AVL9: variants seen among roughly 807,000 people sequenced by gnomAD.
AVL9 encodes the protein late secretory pathway protein AVL9 homolog.
A neutral mutation model predicts 79.2 loss-of-function variants in AVL9; 49 were observed. The observed-to-expected ratio is 0.62, with a 90% CI of 0.49 to 0.79. The LOEUF (loss-of-function observed/expected upper bound fraction) is 0.79, where lower values mean the gene tolerates loss of function less well. AVL9 is among the 30% of genes least tolerant of loss of function. AVL9 has a pLI of 0.00. For missense variants in AVL9, 682 were observed against 776.8 expected (o/e 0.88, Z 1.45); for synonymous variants, 299 against 280.6 (o/e 1.07, Z -0.65).
At chr7:32,563,574 C>T (rs547810408) in intron 10 of AVL9, among the ~76,000 whole-genome samples, 1 of 150,068 alleles carries the variant, frequency 6.7e-6, no homozygotes, top group South Asian at 2.2e-4. Context: ...TGTGATCTTG[C>T]AGTCTACCAT....
chr7:32,529,156 TGGGATG>T (rs1788530219), intron 1 of AVL9, among the ~76,000 whole-genome samples: 1 of 152,182 alleles, frequency 6.6e-6, no homozygotes, highest in African/African-American at 2.4e-5. Context: ...AGTCCATGAA[TGGGATG>T]CCTCTCATTT....
chr7:32,520,525 T>G (rs1279431111), intron 1 of AVL9, among the ~76,000 whole-genome samples: 1 of 152,094 alleles, frequency 6.6e-6, no homozygotes, highest in Non-Finnish European at 1.5e-5. Flanking sequence ...TGTTGTAAGG[T>G]CTATTTGCCC....
chr7:32,541,439 G>T (rs1270255848), intron 1 of AVL9, among the ~76,000 whole-genome samples: 1 of 151,848 alleles, frequency 6.6e-6, no homozygotes, highest in Non-Finnish European at 1.5e-5. Flanking sequence ...TGGGACTTTG[G>T]TATTGATTAT....
In AVL9 at chr7:32,576,993, T is replaced by C. The variant is rs565051539; in HGVS notation, c.1688+921T>C. ...CTGAGTGTGAATACAACAGAGAGCA[T>C]TGAAGGAGATCAGTTGATATAGTGT... is the stretch of plus-strand genomic sequence containing the variant. On this transcript the variant is annotated intron_variant, in intron 13 of 15. Coordinates refer to ENST00000318709, the MANE Select transcript of AVL9 (RefSeq NM_015060.3). Among the ~76,000 whole-genome samples, 13 of 152,248 alleles carry C rather than the reference T, an allele frequency of 8.5e-5. No homozygotes were observed. The South Asian group carries it at 2.1e-3, about 24-fold the overall frequency.
chr7:32,540,728 G>A (rs1789142609), intron 1 of AVL9, among the ~76,000 whole-genome samples: 1 of 151,984 alleles, frequency 6.6e-6, no homozygotes, highest in East Asian at 1.9e-4. Flanking sequence ...TTGTGCCAGT[G>A]TACCGTACAT....
At chr7:32,566,204 C>A in intron 10 of AVL9, among the ~76,000 whole-genome samples, 1 of 9,272 alleles carries the variant, frequency 1.1e-4, no homozygotes, top group Non-Finnish European at 2.3e-4. Context: ...GAGACAAGGT[C>A]TCACCACTCT....
chr7:32,505,446 C>T (rs1787365562), intron 1 of AVL9, among the ~76,000 whole-genome samples: 1 of 151,596 alleles, frequency 6.6e-6, no homozygotes, highest in Non-Finnish European at 1.5e-5. Flanking sequence ...TCACTTGAAA[C>T]CGGAAGGCGG....
At position 32,546,069 on chromosome 7, in the gene AVL9, C is replaced by CTTTTTTTTT. The variant is rs57046702; in HGVS notation, c.300+1296_300+1304dup. On this transcript the variant is annotated intron_variant, in intron 3 of 15. Coordinates refer to ENST00000318709, the MANE Select transcript of AVL9 (RefSeq NM_015060.3). ...ATTTTTAACTAGAATTACCTGGAGA[C>CTTTTTTTTT]TTTTTTTTTTTTTTAAATATCTGTA... Among the ~76,000 whole-genome samples, 421 of 98,966 alleles carry CTTTTTTTTT rather than the reference C, an allele frequency of 4.3e-3. 2 individuals carry two copies. The highest frequency in any genetic ancestry group is 9.4e-3 in the African/African-American group (248 of 26,448). 64.9% of individuals were successfully genotyped at this position (98,966 alleles called of 152,430 possible).
chr7:32,525,537 T>G (rs780612259), intron 1 of AVL9, among the ~76,000 whole-genome samples: 1 of 152,216 alleles, frequency 6.6e-6, no homozygotes, highest in Non-Finnish European at 1.5e-5. Flanking sequence ...AGAAATTGTT[T>G]CAAAGGAAAA....
intron 10 of AVL9, among the ~76,000 whole-genome samples, chr7:32,563,042 T>C (rs1201118416): frequency 1.3e-5 from 2 of 152,214 alleles, no homozygotes; most frequent in Non-Finnish European, 2.9e-5. Context: ...GTGTTTTGTT[T>C]TGTTTTTGAT....
At chr7:32,552,181 G>C (rs369066757) in intron 5 of AVL9, 48 bp from the exon 6 acceptor site, 26 of 1,157,362 alleles carry the variant, frequency 2.2e-5, no homozygotes, top group Non-Finnish European at 7.7e-6. Context: ...TTCTAATTCA[G>C]ATCTAAAATG....
rs1447263958 is a variant in AVL9, at chr7:32,583,823, A to G, written c.1863A>G (p.Ala621=). 4 of 1,613,918 alleles carry G rather than the reference A, an allele frequency of 2.5e-6. No individual in the cohort carries two copies. The highest frequency in any genetic ancestry group is 3.4e-6 in the Non-Finnish European group (4 of 1,179,930). The stretch of plus-strand genomic sequence containing the variant: ...CAGTTGGAGGAGCTTTTTCCAGTGC[A>G]AAGACAGCTATGTCTTCATGGCTTT... ...GQSVGGAFSS[A]KTAMSSWLST... The change falls in exon 16 of 16, where the codon GCA becomes GCG. Residue 621 remains alanine (A), a synonymous_variant. Coordinates refer to ENST00000318709, the MANE Select transcript of AVL9 (RefSeq NM_015060.3).
intron 13 of AVL9, among the ~76,000 whole-genome samples, chr7:32,579,784 C>G (rs1396325676): frequency 6.7e-6 from 1 of 148,338 alleles, no homozygotes. Flanking sequence ...CAAATCTTTG[C>G]ATAACCAATA....
chr7:32,566,651 G>A (rs1260562965), intron 10 of AVL9, among the ~76,000 whole-genome samples: 1 of 152,074 alleles, frequency 6.6e-6, no homozygotes, highest in African/African-American at 2.4e-5. Context: ...GACCGAGGCG[G>A]GCAGATCACG....
intron 10 of AVL9, among the ~76,000 whole-genome samples, chr7:32,568,434 C>G (rs1206145906): frequency 6.6e-6 from 1 of 152,100 alleles, no homozygotes; most frequent in East Asian, 1.9e-4. Context: ...CTCCTGACCT[C>G]AAGTGATCCG....
chr7:32,555,234 T>G (rs912742862), intron 8 of AVL9, among the ~76,000 whole-genome samples: 4 of 152,106 alleles, frequency 2.6e-5, no homozygotes, highest in Admixed American at 2.6e-4. Context: ...TCCCAGCTAC[T>G]TGGGAGGCTG....
chr7:32,546,638 T>C lies in AVL9; in HGVS notation c.300+1859T>C, dbSNP rs143211260. On this transcript the variant is annotated intron_variant, in intron 3 of 15. Transcript: ENST00000318709. ...GAGATCAAGACCATCCTGGCTAACA[T>C]AGTGAAACCCCATCTCTACTAAAAA... 5.8e-3 allele frequency among the ~76,000 whole-genome samples: 882 copies of C among 151,978 alleles called. 11 individuals carry two copies. The highest frequency in any genetic ancestry group is 0.02 in the African/African-American group (832 of 41,444).
chr7:32,510,595 G>C (rs1022501898), intron 1 of AVL9, among the ~76,000 whole-genome samples: 1 of 138,970 alleles, frequency 7.2e-6, no homozygotes, highest in African/African-American at 2.7e-5. Flanking sequence ...AGGTCTGGTT[G>C]TAGGAGTCCA....
rs529569227 is a variant in AVL9 at position 32,561,401 on chromosome 7, A to G, written c.1215+1937A>G. On this transcript the variant is annotated intron_variant, in intron 10 of 15. Coordinates refer to ENST00000318709, the MANE Select transcript of AVL9 (RefSeq NM_015060.3). ...CTGCTTCACCTTGCACTTTTATGTT[A>G]TAGAGACGGCTTCTTAAACATTGTG... 8.5e-5 allele frequency among the ~76,000 whole-genome samples: 13 copies of G among 152,364 alleles called. 1 individual carries two copies. In the South Asian group the frequency reaches 1.9e-3, roughly 22 times the overall value.
Sources: gnomAD v4.1 joint callset for allele counts (sites outside exome capture counted in the v4.1 genomes callset) on GRCh38, gnomAD v4.1.1 for gene constraint, MANE v1.5 for transcripts, NCBI Gene and HGNC (gene_info 2026-07-23, HGNC 2026-07-21) for gene names.